CABIN1: variants seen among roughly 807,000 people sequenced by gnomAD.
CABIN1 encodes the protein calcineurin-binding protein cabin-1.
Under a neutral mutation model 227.7 loss-of-function variants are expected in CABIN1, and 133 were observed. The observed-to-expected ratio is 0.58, with a 90% CI of 0.51 to 0.67. CABIN1 has a LOEUF of 0.67. Among genes scored for constraint, CABIN1 ranks in the 30% least tolerant of loss-of-function variants. CABIN1 has a pLI of 0.00. For synonymous variants in CABIN1, 1,086 were observed against 1,155.1 expected, an observed-to-expected ratio of 0.94 and a Z score of 1.21; for missense variants, 2,408 against 2,852.5, an observed-to-expected ratio of 0.84 and a Z score of 3.55.
intron 27 of CABIN1, 33 bp downstream of exon 27, chr22:24,113,781 C>G (rs372557351): frequency 1.8e-5 from 29 of 1,610,444 alleles, no homozygotes; most frequent in Non-Finnish European, 2.4e-5. Context: ...ATTAGAACCA[C>G]TTTGATGTCC....
At position 24,072,480 on chromosome 22, in the gene CABIN1, C is replaced by G. The variant is rs201842616; in HGVS notation, c.2602C>G (p.Gln868Glu). 2 of 1,614,086 alleles carry G rather than the reference C, an allele frequency of 1.2e-6. No homozygotes were observed. Among genetic ancestry groups the G allele is most frequent in the Non-Finnish European group, 8.5e-7 (1 of 1,180,034 alleles). ...EEDTFHSLCH[Q>E]QQLQNPAEEG... ...AGACACCTTCCATTCTCTGTGCCAC[C>G]AGCAGCAGCTCCAAAACCCAGCGGA... The change falls in exon 18 of 37, where the codon CAG becomes GAG. Residue 868 changes from glutamine (Q) to glutamate (E), a missense_variant. Gln to Glu is a conservative substitution (Grantham distance 29). Coordinates refer to ENST00000263119, the MANE Select transcript of CABIN1 (RefSeq NM_012295.4).
intron 21 of CABIN1, 66 bp downstream of exon 21, chr22:24,084,851 T>A: frequency 1.3e-6 from 2 of 1,571,920 alleles, no homozygotes; most frequent in East Asian, 2.2e-5. Context: ...CTGCCACTGC[T>A]GTATATGCTC....
chr22:24,123,305 T>G (rs577464890), intron 28 of CABIN1, among the ~76,000 whole-genome samples: 3 of 152,294 alleles, frequency 2.0e-5, no homozygotes, highest in African/African-American at 7.2e-5. Flanking sequence ...AATGCTATCT[T>G]GAATCTTAGA....
chr22:24,176,022 CA>C, intron 34 of CABIN1, 88 bp from the exon 35 acceptor site: 1 of 1,456,404 alleles, frequency 6.9e-7, no homozygotes. Flanking sequence ...TCCCAGGGCA[CA>C]ACCTGGGCCC....
At chr22:24,031,809 G>T (rs1243683107) in intron 1 of CABIN1, among the ~76,000 whole-genome samples, 1 of 152,190 alleles carries the variant, frequency 6.6e-6, no homozygotes, top group African/African-American at 2.4e-5. Context: ...AGTCATCAGG[G>T]TGTGGCTTGA....
chr22:24,082,202 G>A (rs2040856685), intron 19 of CABIN1, among the ~76,000 whole-genome samples: 1 of 148,984 alleles, frequency 6.7e-6, no homozygotes, highest in African/African-American at 2.5e-5. Context: ...CAGTCTTCCT[G>A]CCTTAGCCTC....
intron 1 of CABIN1, among the ~76,000 whole-genome samples, chr22:24,022,620 T>C (rs144165059): frequency 5.3e-5 from 8 of 152,366 alleles, no homozygotes; most frequent in Non-Finnish European, 1.2e-4. Flanking sequence ...AGGAGTGAGA[T>C]TGATGTATCA....
At chr22:24,016,349 A>G (rs890234053) in intron 1 of CABIN1, among the ~76,000 whole-genome samples, 2 of 152,188 alleles carry the variant, frequency 1.3e-5, no homozygotes, top group Admixed American at 1.3e-4. Context: ...ATAATATTCC[A>G]TTTTATGGAT....
At chr22:24,096,322 C>T (rs2041892995) in intron 25 of CABIN1, among the ~76,000 whole-genome samples, 1 of 152,182 alleles carries the variant, frequency 6.6e-6, no homozygotes, top group Admixed American at 6.5e-5. Context: ...GGTGCTACCC[C>T]ACCCTAAGGG....
intron 13 of CABIN1, 86 bp from the exon 14 acceptor site, chr22:24,062,873 G>T: frequency 7.5e-7 from 1 of 1,339,766 alleles, no homozygotes; most frequent in Non-Finnish European, 1.1e-6. Flanking sequence ...GGGTGGGTGT[G>T]GTTAGGGCCA....
At chr22:24,102,009 C>T (rs2042233283) in intron 26 of CABIN1, among the ~76,000 whole-genome samples, 1 of 152,162 alleles carries the variant, frequency 6.6e-6, no homozygotes, top group Admixed American at 6.5e-5. Context: ...CTCGGTCATG[C>T]CCTTGTTTCC....
At chr22:24,155,002 A>C (rs2045697385) in intron 29 of CABIN1, among the ~76,000 whole-genome samples, 1 of 152,046 alleles carries the variant, frequency 6.6e-6, no homozygotes, top group African/African-American at 2.4e-5. Flanking sequence ...CTATGTGATA[A>C]GAGAGAAGCT....
At chr22:24,154,114 A>G (rs2045646619) in intron 29 of CABIN1, among the ~76,000 whole-genome samples, 1 of 152,208 alleles carries the variant, frequency 6.6e-6, no homozygotes, top group Admixed American at 6.5e-5. Context: ...ACTAGTTTCC[A>G]GAGAGCCACA....
At chr22:24,165,070 C>T (rs1406981063) in intron 30 of CABIN1, among the ~76,000 whole-genome samples, 3 of 152,210 alleles carry the variant, frequency 2.0e-5, no homozygotes, top group African/African-American at 4.8e-5. Context: ...CTGGAAGAGA[C>T]GCAGCTCAGA....
At position 24,119,435 on chromosome 22, in the gene CABIN1, G is replaced by C. The variant is rs1007204881; in HGVS notation, c.4369G>C (p.Ala1457Pro). Residue 1457 changes from alanine (A) to proline (P), a missense_variant, in exon 28 of 37, where the codon GCT (alanine) becomes CCT (proline). Physicochemically the swap from Ala to Pro is conservative, Grantham distance 27 (BLOSUM62 -1). Transcript: ENST00000263119. ...RAAEQGVQKP[A>P]AETPASACIP... Reference sequence around the variant, plus strand: ...TGCAGAGCAAGGTGTCCAGAAGCCTGCTGCAGAAACCCCAGCCTCTGCTTG... The same window carrying C: ...TGCAGAGCAAGGTGTCCAGAAGCCTCCTGCAGAAACCCCAGCCTCTGCTTG... 2 of 1,613,972 alleles carry C rather than the reference G, an allele frequency of 1.2e-6. No individual in the cohort carries two copies. The highest frequency in any genetic ancestry group is 1.7e-6 in the Non-Finnish European group (2 of 1,180,026).
At chr22:24,099,971 CAT>C (rs2042109767) in intron 26 of CABIN1, among the ~76,000 whole-genome samples, 1 of 152,222 alleles carries the variant, frequency 6.6e-6, no homozygotes, top group African/African-American at 2.4e-5. Flanking sequence ...CATGTTGGCA[CAT>C]ATGTGTGCAT....
At chr22:24,155,734 C>T (rs950018970) in intron 29 of CABIN1, 5 of 347,990 alleles carry the variant, frequency 1.4e-5, no homozygotes, top group Non-Finnish European at 2.6e-5. Context: ...GGATATAACC[C>T]TCACACACAG....
intron 35 of CABIN1, among the ~76,000 whole-genome samples, 175 bp downstream of exon 35, chr22:24,176,450 C>A (rs951250755): frequency 1.3e-5 from 2 of 152,182 alleles, no homozygotes; most frequent in Admixed American, 1.3e-4. Context: ...AAGGGAGAGG[C>A]CCAGGCTGAA....
chr22:24,073,911 C>T (rs2040261564), intron 18 of CABIN1, among the ~76,000 whole-genome samples: 1 of 152,162 alleles, frequency 6.6e-6, no homozygotes, highest in Non-Finnish European at 1.5e-5. Context: ...GGTGCATGCA[C>T]TATTGAACCA....
Sources: gnomAD v4.1 joint callset for allele counts (sites outside exome capture counted in the v4.1 genomes callset) on GRCh38, gnomAD v4.1.1 for gene constraint, MANE v1.5 for transcripts, NCBI Gene and HGNC (gene_info 2026-07-23, HGNC 2026-07-21) for gene names.